The following PLD5 variants were observed in gnomAD, a reference collection of about 807,000 sequenced individuals.
The protein encoded by PLD5 is phospholipase D family member 5.
In PLD5, 36 loss-of-function variants were observed where a neutral mutation model predicts 61.1. That is an observed-to-expected ratio of 0.59 (90% CI 0.45 to 0.78). The LOEUF is 0.78. Ranked by LOEUF, PLD5 falls within the 30% of genes least tolerant of loss-of-function variation. PLD5 has a pLI of 0.00. For missense variants in PLD5, 515 were observed against 644.4 expected (o/e 0.80, Z 2.17); for synonymous variants, 243 against 242.8 (o/e 1.00, Z -0.01).
At chr1:242,504,854 T>G (rs1668669999) in intron 1 of PLD5, among the ~76,000 whole-genome samples, 1 of 152,164 alleles carries the variant, frequency 6.6e-6, no homozygotes, top group African/African-American at 2.4e-5. Flanking sequence ...GCTGAGTAAT[T>G]TATATGATTT....
intron 1 of PLD5, among the ~76,000 whole-genome samples, chr1:242,518,337 C>CA (rs1669171221): frequency 6.6e-6 from 1 of 152,188 alleles, no homozygotes; most frequent in African/African-American, 2.4e-5. Flanking sequence ...TTACGTTGTA[C>CA]CCTAAACTTT....
intron 5 of PLD5, among the ~76,000 whole-genome samples, chr1:242,179,035 C>T (rs1381564221): frequency 6.6e-6 from 1 of 152,176 alleles, no homozygotes; most frequent in Admixed American, 6.5e-5. Flanking sequence ...ATTGTTATAT[C>T]CAGTTGTTCA....
chr1:242,483,650 C>T (rs1318349443), intron 1 of PLD5, among the ~76,000 whole-genome samples: 4 of 152,072 alleles, frequency 2.6e-5, no homozygotes, highest in South Asian at 2.1e-4. Context: ...GACAGATCAA[C>T]GAGACTGAAA....
chr1:242,141,127 G>C (rs1292191561), intron 5 of PLD5, among the ~76,000 whole-genome samples: 1 of 152,108 alleles, frequency 6.6e-6, no homozygotes, highest in Non-Finnish European at 1.5e-5. Flanking sequence ...TGAACAGCTG[G>C]CTCCTTCCTT....
chr1:242,106,847 G>A (rs953430089), intron 8 of PLD5, among the ~76,000 whole-genome samples: 3 of 152,178 alleles, frequency 2.0e-5, no homozygotes, highest in Non-Finnish European at 4.4e-5. Flanking sequence ...AAGGATCAGT[G>A]GTTATGAGGT....
At chr1:242,357,917 T>C (rs1273475681) in intron 1 of PLD5, among the ~76,000 whole-genome samples, 1 of 152,194 alleles carries the variant, frequency 6.6e-6, no homozygotes, top group Non-Finnish European at 1.5e-5. Flanking sequence ...ACGGTCATAC[T>C]TTATTCTTTT....
chr1:242,487,214 T>C (rs9887852), intron 1 of PLD5, among the ~76,000 whole-genome samples: 3,354 of 151,144 alleles, frequency 0.022, 120 homozygotes, highest in African/African-American at 0.076. Context: ...AGTATATATA[T>C]AAAAAAAAGT....
At chr1:242,368,483 G>T (rs1374042535) in intron 1 of PLD5, among the ~76,000 whole-genome samples, 1 of 152,174 alleles carries the variant, frequency 6.6e-6, no homozygotes, top group Admixed American at 6.5e-5. Context: ...CCAGAAAAAT[G>T]AGTTGCCAAT....
At chr1:242,277,876 G>A (rs1040377922) in intron 3 of PLD5, among the ~76,000 whole-genome samples, 2 of 152,236 alleles carry the variant, frequency 1.3e-5, no homozygotes, top group African/African-American at 4.8e-5. Context: ...TCAGCTACTT[G>A]GCAGGCTGAA....
chr1:242,386,948 G>C (rs1289956432), intron 1 of PLD5, among the ~76,000 whole-genome samples: 1 of 152,140 alleles, frequency 6.6e-6, no homozygotes. Context: ...ATCACTGGAA[G>C]AGACTGTTAC....
intron 1 of PLD5, among the ~76,000 whole-genome samples, chr1:242,377,669 A>T (rs1019216365): frequency 7.2e-5 from 11 of 152,152 alleles, no homozygotes; most frequent in Admixed American, 6.6e-5. Context: ...AATAAATAAA[A>T]CAAACAACAA....
chr1:242,413,033 G>C (rs1291776849), intron 1 of PLD5, among the ~76,000 whole-genome samples: 1 of 152,006 alleles, frequency 6.6e-6, no homozygotes. Flanking sequence ...TTCTCACTGG[G>C]GTTTCTGAAC....
At chr1:242,490,938 C>T (rs1668129716) in intron 1 of PLD5, among the ~76,000 whole-genome samples, 1 of 152,140 alleles carries the variant, frequency 6.6e-6, no homozygotes, top group Non-Finnish European at 1.5e-5. Context: ...TTTTGAATAA[C>T]AAGGCTTAGC....
At chr1:242,483,265 A>C (rs1235216494) in intron 1 of PLD5, among the ~76,000 whole-genome samples, 1 of 152,204 alleles carries the variant, frequency 6.6e-6, no homozygotes, top group African/African-American at 2.4e-5. Flanking sequence ...CAGACTGGCA[A>C]ATTGGATAAA....
intron 5 of PLD5, among the ~76,000 whole-genome samples, chr1:242,178,968 GT>G (rs1339129837): frequency 6.6e-6 from 1 of 152,232 alleles, no homozygotes; most frequent in Non-Finnish European, 1.5e-5. Context: ...CAGGGAACAC[GT>G]AGACGGTTGC....
intron 1 of PLD5, among the ~76,000 whole-genome samples, chr1:242,476,384 A>AC (rs1297389762): frequency 4.6e-5 from 7 of 151,082 alleles, no homozygotes; most frequent in African/African-American, 7.3e-5. Context: ...AAAAAAGAAA[A>AC]CCCCCCCAAA....
At chr1:242,489,335 G>T (rs918091671) in intron 1 of PLD5, among the ~76,000 whole-genome samples, 1 of 151,220 alleles carries the variant, frequency 6.6e-6, no homozygotes, top group East Asian at 1.9e-4. Flanking sequence ...ATCTAACTGT[G>T]CATTTTATTG....
chr1:242,158,528 C>T (rs1434573051), intron 5 of PLD5, among the ~76,000 whole-genome samples: 1 of 152,086 alleles, frequency 6.6e-6, no homozygotes, highest in African/African-American at 2.4e-5. Flanking sequence ...TGCATGGTTC[C>T]TCAGGCTCAG....
Position 242,168,846 on chromosome 1 carries a change from G to GTTTTTTTTTTT in PLD5, c.736-44192_736-44182dup, listed in dbSNP as rs34280777. 2.0e-3 allele frequency among the ~76,000 whole-genome samples: 228 copies of GTTTTTTTTTTT among 111,266 alleles called. 18 individuals carry two copies. Among genetic ancestry groups the GTTTTTTTTTTT allele is most frequent in the African/African-American group, 7.8e-3 (208 of 26,786 alleles). The allele number at this position is 111,266 out of a possible 152,430, so 73.0% of individuals were successfully genotyped here. On this transcript the variant is annotated intron_variant, in intron 5 of 9. Coordinates refer to ENST00000536534, the MANE Select transcript of PLD5 (RefSeq NM_001372062.1). ...TCCATGACAGTTTTTAATTAATGAA[G>GTTTTTTTTTTT]TTTTTTTTTTTTTTTTTTTTACCAC...
Sources: gnomAD v4.1 joint callset for allele counts (sites outside exome capture counted in the v4.1 genomes callset) on GRCh38, gnomAD v4.1.1 for gene constraint, MANE v1.5 for transcripts, NCBI Gene and HGNC (gene_info 2026-07-23, HGNC 2026-07-21) for gene names.